The following FHAD1 variants were observed in gnomAD, a reference collection of about 807,000 sequenced individuals.
FHAD1 encodes the protein forkhead-associated domain-containing protein 1.
In FHAD1, 146 loss-of-function variants were observed where a neutral mutation model predicts 191.3. The observed-to-expected ratio is 0.76, with a 90% confidence interval of 0.67 to 0.88. The LOEUF is 0.88. Ranked by LOEUF, FHAD1 falls within the 40% of genes least tolerant of loss-of-function variation. FHAD1 has a pLI of 0.00. For synonymous variants in FHAD1, 616 were observed against 672.3 expected, an observed-to-expected ratio of 0.92 and a Z score of 1.29; for missense variants, 1,635 against 1,785.8, an observed-to-expected ratio of 0.92 and a Z score of 1.52.
intron 28 of FHAD1, among the ~76,000 whole-genome samples, chr1:15,378,143 A>G (rs1181285834): frequency 1.3e-5 from 2 of 152,242 alleles, no homozygotes; most frequent in Non-Finnish European, 1.5e-5. Context: ...GTCTCTGCTA[A>G]AAATACAAAA....
At chr1:15,304,356 A>T (rs1669766580) in intron 6 of FHAD1, among the ~76,000 whole-genome samples, 1 of 152,214 alleles carries the variant, frequency 6.6e-6, no homozygotes, top group South Asian at 2.1e-4. Context: ...GACAATATGG[A>T]TATTTATTTT....
At chr1:15,399,758 A>G (rs1706996048), downstream of FHAD1, among the ~76,000 whole-genome samples, 1 of 152,214 alleles carries the variant, frequency 6.6e-6, no homozygotes, top group Non-Finnish European at 1.5e-5. Context: ...GTTCAGGGAA[A>G]CAAAGCCAGT....
At chr1:15,342,833 T>A (rs909510468) in intron 16 of FHAD1, among the ~76,000 whole-genome samples, 1 of 150,818 alleles carries the variant, frequency 6.6e-6, no homozygotes, top group South Asian at 2.1e-4. Flanking sequence ...CTAATTATTA[T>A]TTTTTTTTGT....
intron 1 of FHAD1, among the ~76,000 whole-genome samples, chr1:15,250,483 C>G (rs1254829267): frequency 1.3e-5 from 2 of 152,196 alleles, no homozygotes; most frequent in Non-Finnish European, 2.9e-5. Flanking sequence ...CTTCTTTCAG[C>G]CTCTCTGTAT....
At chr1:15,343,297 G>A (rs1211417792) in intron 16 of FHAD1, among the ~76,000 whole-genome samples, 2 of 152,024 alleles carry the variant, frequency 1.3e-5, no homozygotes, top group Non-Finnish European at 1.5e-5. Context: ...GTGCAGCCAC[G>A]GTTGCGAGCC....
At chr1:15,255,973 C>G (rs1245032842) in intron 2 of FHAD1, among the ~76,000 whole-genome samples, 1 of 151,712 alleles carries the variant, frequency 6.6e-6, no homozygotes, top group Non-Finnish European at 1.5e-5. Context: ...GGCTCCCTGG[C>G]TGCCTTGTGC....
At chr1:15,353,056 T>C (rs1691438850) in intron 20 of FHAD1, 72 bp downstream of exon 20, 1 of 1,156,358 alleles carries the variant, frequency 8.6e-7, no homozygotes, top group Non-Finnish European at 1.3e-6. Context: ...AGCCAGGCTC[T>C]GGGTTCAAAT....
chr1:15,288,210 A>G (rs1414375189), intron 3 of FHAD1, among the ~76,000 whole-genome samples: 1 of 152,148 alleles, frequency 6.6e-6, no homozygotes, highest in East Asian at 1.9e-4. Context: ...CCCTCACACA[A>G]AGGGTCATGG....
chr1:15,373,914 G>A (rs967649289), intron 26 of FHAD1, among the ~76,000 whole-genome samples: 1 of 152,134 alleles, frequency 6.6e-6, no homozygotes, highest in African/African-American at 2.4e-5. Context: ...TCTAACCTGA[G>A]CTATTTAGGA....
At chr1:15,248,732 C>T (rs1255291168) in intron 1 of FHAD1, among the ~76,000 whole-genome samples, 2 of 152,124 alleles carry the variant, frequency 1.3e-5, no homozygotes, top group Non-Finnish European at 2.9e-5. Context: ...ACTACAGGTG[C>T]AAGCCACCAT....
At chr1:15,283,173 A>G (rs571127405) in intron 3 of FHAD1, among the ~76,000 whole-genome samples, 18 of 152,366 alleles carry the variant, frequency 1.2e-4, no homozygotes, top group Non-Finnish European at 1.8e-4. Flanking sequence ...ATTGCCATGG[A>G]AAGGGGTGGT....
At chr1:15,326,075 C>T (rs1422613829) in intron 11 of FHAD1, 1 of 152,392 alleles carries the variant, frequency 6.6e-6, no homozygotes, top group Non-Finnish European at 1.5e-5. Context: ...CTTTGAGAAC[C>T]TCATGTCACC....
At chr1:15,246,005 A>G (rs1278512990), upstream of FHAD1, among the ~76,000 whole-genome samples, 1 of 152,200 alleles carries the variant, frequency 6.6e-6, no homozygotes, top group Non-Finnish European at 1.5e-5. Context: ...ATTCCTTGAG[A>G]CTGAATAATT....
At chr1:15,277,401 C>T (rs145815230) in intron 3 of FHAD1, among the ~76,000 whole-genome samples, 1,824 of 152,274 alleles carry the variant, frequency 0.012, 16 homozygotes, top group South Asian at 0.03. Flanking sequence ...CAACTTTTGC[C>T]GGGCAGGAAC....
Position 15,353,009 on chromosome 1 carries a change from C to T in FHAD1, c.2562+25C>T, listed in dbSNP as rs193074781. ...GGTATGAGCCGCAGGGAGGGAGAGA[C>T]GAGAGGGGCCCAGCACAGCGAAGGG... On this transcript the variant is annotated intron_variant, in intron 20 of 33. Transcript: ENST00000688493. 329 of 1,497,622 alleles carry T rather than the reference C, an allele frequency of 2.2e-4. No homozygotes were observed. In the African/African-American group the frequency reaches 4.1e-3, roughly 19 times the overall value. The allele number at this position is 1,497,622 out of a possible 1,614,324, so 92.8% of individuals were successfully genotyped here. A position where few individuals can be genotyped will look rare whatever the true frequency, so the allele number is the denominator to read the frequency against.
intron 2 of FHAD1, among the ~76,000 whole-genome samples, chr1:15,263,961 G>T (rs959601862): frequency 6.6e-6 from 1 of 152,130 alleles, no homozygotes; most frequent in Admixed American, 6.5e-5. Context: ...GTTTATATGG[G>T]GGCTTTCTAA....
At chr1:15,368,614 A>G (rs1015706271) in intron 25 of FHAD1, among the ~76,000 whole-genome samples, 1 of 152,176 alleles carries the variant, frequency 6.6e-6, no homozygotes, top group Non-Finnish European at 1.5e-5. Flanking sequence ...TGGCTAAAGG[A>G]GCAGACTCCA....
rs377408465 is a variant in FHAD1 at position 15,360,877 on chromosome 1, G to A, written c.2962+174G>A. On this transcript the variant is annotated intron_variant, in intron 22 of 33. Coordinates refer to ENST00000688493, the MANE Select transcript of FHAD1 (RefSeq NM_001391957.1). The stretch of plus-strand genomic sequence containing the variant: ...ACAACGATGTCAGAAGCCCTCCGAG[G>A]CCCAGGTTCAGCAGAAGTCATGGCA... Among the ~76,000 whole-genome samples, 13 of 152,240 alleles carry A rather than the reference G, an allele frequency of 8.5e-5. No homozygotes were observed. In the East Asian group the frequency reaches 2.1e-3, roughly 25 times the overall value.
intron 5 of FHAD1, among the ~76,000 whole-genome samples, chr1:15,298,488 C>T (rs1281952943): frequency 6.6e-6 from 1 of 152,200 alleles, no homozygotes; most frequent in African/African-American, 2.4e-5. Context: ...CACTAAAGGA[C>T]ACTTGGAATT....
Sources: gnomAD v4.1 joint callset for allele counts (sites outside exome capture counted in the v4.1 genomes callset) on GRCh38, gnomAD v4.1.1 for gene constraint, MANE v1.5 for transcripts, NCBI Gene and HGNC (gene_info 2026-07-23, HGNC 2026-07-21) for gene names.